The following PTK7 variants were observed in gnomAD, a reference collection of about 807,000 sequenced individuals.
PTK7 encodes inactive tyrosine-protein kinase 7.
A neutral mutation model predicts 116.6 loss-of-function variants in PTK7; 39 were observed. The ratio of observed to expected loss-of-function variants is 0.33; its 90% confidence interval spans 0.26 to 0.44. PTK7 has a LOEUF of 0.44. PTK7 is among the 20% of genes least tolerant of loss of function. PTK7 has a pLI of 1.00. For missense variants in PTK7, 1,169 were observed against 1,425.6 expected (o/e 0.82, Z 2.90); for synonymous variants, 546 against 563.6 (o/e 0.97, Z 0.44).
rs574449982 is a variant in PTK7, at chr6:43,128,381, T to C, written c.80-596T>C. 1.8e-3 allele frequency among the ~76,000 whole-genome samples: 269 copies of C among 152,340 alleles called. 6 individuals carry two copies. In the South Asian group the frequency reaches 0.053, roughly 30 times the overall value. Reference sequence around the variant, plus strand: ...CTACTGCCTGCCCACCCCATTCATTTGGCATTTATGTGACTGTAACTGTGT... The same window carrying C: ...CTACTGCCTGCCCACCCCATTCATTCGGCATTTATGTGACTGTAACTGTGT... On this transcript the variant is annotated intron_variant, in intron 1 of 19. Transcript: ENST00000230419.
intron 1 of PTK7, 48 bp from the exon 2 acceptor site, chr6:43,128,929 A>C: frequency 6.4e-7 from 1 of 1,553,926 alleles, no homozygotes; most frequent in Non-Finnish European, 8.7e-7. Context: ...GTTAGGACAG[A>C]GGCTGCAGCT....
Position 43,129,941 on chromosome 6 carries a change from C to T in PTK7, c.470+112C>T, listed in dbSNP as rs1463144256. On this transcript the variant is annotated intron_variant, in intron 3 of 19. Transcript: ENST00000230419. The surrounding 1 kb of genome is among the most constrained non-coding windows in gnomAD (Gnocchi z 4.5). ...CGCTCCATTCTGTGACCACTCGTTC[C>T]ACCACCACAGTGCTCTTCACCCTGC... 9.2e-7 allele frequency: 1 copy of T among 1,089,552 alleles called. No homozygotes were observed. Among genetic ancestry groups the T allele is most frequent in the South Asian group, 1.4e-5 (1 of 69,218 alleles). The allele number at this position is 1,089,552 out of a possible 1,614,324, so 67.5% of individuals were successfully genotyped here. A position where few individuals can be genotyped will look rare whatever the true frequency, so the allele number is the denominator to read the frequency against.
At chr6:43,112,097 A>T (rs981059205) in intron 1 of PTK7, among the ~76,000 whole-genome samples, 1 of 152,110 alleles carries the variant, frequency 6.6e-6, no homozygotes, top group Non-Finnish European at 1.5e-5. Context: ...GTCTGACTCC[A>T]GTCTCTGAAC....
chr6:43,151,819 G>GAGCCACCGCGCCC (rs1396743851), intron 17 of PTK7, among the ~76,000 whole-genome samples: 1 of 142,950 alleles, frequency 7.0e-6, no homozygotes, highest in Non-Finnish European at 1.5e-5. Context: ...TTACAGGCGT[G>GAGCCACCGCGCCC]AGCCACCGCG....
intron 17 of PTK7, among the ~76,000 whole-genome samples, chr6:43,152,731 TTATTTATGTTATG>T (rs1231729214): frequency 6.7e-6 from 1 of 149,310 alleles, no homozygotes; most frequent in Non-Finnish European, 1.5e-5. Flanking sequence ...GAATTTTATT[TTATTTATGTTATG>T]TTATGTTATG....
chr6:43,095,842 C>G (rs1767222125), intron 1 of PTK7, among the ~76,000 whole-genome samples: 1 of 152,084 alleles, frequency 6.6e-6, no homozygotes, highest in African/African-American at 2.4e-5. Context: ...CAATGAGAAA[C>G]TTTTTTCTGT....
At position 43,145,135 on chromosome 6, in the gene PTK7, C is replaced by T. The variant is rs973935694; in HGVS notation, c.2408-65C>T. 5.2e-5 allele frequency: 76 copies of T among 1,459,860 alleles called. No homozygotes were observed. The highest frequency in any genetic ancestry group is 6.9e-5 in the Non-Finnish European group (74 of 1,077,518). 90.4% of individuals were successfully genotyped at this position (1,459,860 alleles called of 1,614,324 possible). On this transcript the variant is annotated intron_variant, in intron 15 of 19. Coordinates refer to ENST00000230419, the MANE Select transcript of PTK7 (RefSeq NM_002821.5). The surrounding 1 kb of genome is among the most constrained non-coding windows in gnomAD (Gnocchi z 4.8). Reference sequence around the variant, plus strand: ...CCACTGTGGGAGAGGCTAGGCCCCTCCCCCAGGTCAGGAGCTGCCTCGGCC... The same window carrying T: ...CCACTGTGGGAGAGGCTAGGCCCCTTCCCCAGGTCAGGAGCTGCCTCGGCC...
chr6:43,078,845 C>G (rs554924988), intron 1 of PTK7, among the ~76,000 whole-genome samples: 10 of 152,344 alleles, frequency 6.6e-5, no homozygotes, highest in Non-Finnish European at 1.2e-4. Context: ...TCCCATCCCC[C>G]TCCCTGGTTT....
chr6:43,143,403 T>C lies in PTK7; in HGVS notation c.2048-14T>C, dbSNP rs1484540868. ...TTAGCAGCCCCTGCCCAGACCCATC[T>C]GTGTGTCTCTCAGACAAGCCTGTGC... On this transcript the variant is annotated splice_polypyrimidine_tract_variant and intron_variant, in intron 13 of 19. Transcript: ENST00000230419. This position sits in a 1 kb window ranked among gnomAD's most constrained non-coding sequence, Gnocchi z 4.2. 2 of 1,612,584 alleles carry C rather than the reference T, an allele frequency of 1.2e-6. No individual in the cohort carries two copies. The highest frequency in any genetic ancestry group is 1.7e-6 in the Non-Finnish European group (2 of 1,179,466).
chr6:43,114,700 T>C (rs1324114426), intron 1 of PTK7, among the ~76,000 whole-genome samples: 1 of 152,142 alleles, frequency 6.6e-6, no homozygotes, highest in Admixed American at 6.6e-5. Context: ...CCGCGTGTGC[T>C]TTATGCTTTA....
At position 43,146,642 on chromosome 6, in the gene PTK7, A is replaced by G. The variant is rs1235209942; in HGVS notation, c.2665A>G (p.Ile889Val). Residue 889 changes from isoleucine (I) to valine (V), a missense_variant, in exon 17 of 20, where the codon ATT (isoleucine) becomes GTT (valine). Ile to Val is a conservative substitution (Grantham distance 29, BLOSUM62 3). Transcript: ENST00000230419. ...DLGDLKQFLR[I>V]SKSKDEKLKS... ...GGGAGACCTCAAGCAGTTCCTGAGGATTTCCAAGAGCAAGGATGAAAAATT... is the reference window on the plus strand; with the variant it reads ...GGGAGACCTCAAGCAGTTCCTGAGGGTTTCCAAGAGCAAGGATGAAAAATT... 2 of 1,613,644 alleles carry G rather than the reference A, an allele frequency of 1.2e-6. No homozygotes were observed. Among genetic ancestry groups the G allele is most frequent in the Admixed American group, 1.7e-5 (1 of 59,998 alleles).
intron 17 of PTK7, among the ~76,000 whole-genome samples, chr6:43,147,746 T>C (rs1484768632): frequency 1.3e-5 from 2 of 152,196 alleles, no homozygotes; most frequent in Admixed American, 6.5e-5. Context: ...GTGAATTTAC[T>C]AAGACCCAGA....
intron 1 of PTK7, among the ~76,000 whole-genome samples, chr6:43,097,875 T>A (rs1230612644): frequency 1.3e-5 from 2 of 152,190 alleles, no homozygotes; most frequent in African/African-American, 4.8e-5. Flanking sequence ...TTCTTTTTGT[T>A]GCCTACAACT....
intron 1 of PTK7, among the ~76,000 whole-genome samples, chr6:43,117,601 G>T (rs62417477): frequency 6.6e-6 from 1 of 152,136 alleles, no homozygotes; most frequent in Admixed American, 6.6e-5. Flanking sequence ...GGCTGATGGT[G>T]TTGAGAGTTC....
chr6:43,121,064 T>G (rs925555884), intron 1 of PTK7, among the ~76,000 whole-genome samples: 9 of 150,716 alleles, frequency 6.0e-5, no homozygotes, highest in East Asian at 1.9e-4. Flanking sequence ...CTGTTTTTTT[T>G]TTTTTTTTTT....
At chr6:43,155,545 G>A (rs1342925148) in intron 17 of PTK7, among the ~76,000 whole-genome samples, 1 of 151,454 alleles carries the variant, frequency 6.6e-6, no homozygotes, top group African/African-American at 2.4e-5. Context: ...TCGGGAGGTT[G>A]AGGCAGGAGA....
intron 10 of PTK7, among the ~76,000 whole-genome samples, chr6:43,140,699 G>A (rs1368535722): frequency 3.3e-5 from 5 of 152,044 alleles, no homozygotes; most frequent in African/African-American, 1.2e-4. Flanking sequence ...ACCAACCTGG[G>A]CAATACAGGG....
At chr6:43,152,508 C>T (rs1255244901) in intron 17 of PTK7, among the ~76,000 whole-genome samples, 3 of 152,220 alleles carry the variant, frequency 2.0e-5, no homozygotes, top group Admixed American at 1.3e-4. Context: ...GCCTGGGCGA[C>T]AGAGTGAGAC....
intron 1 of PTK7, among the ~76,000 whole-genome samples, chr6:43,085,602 T>C (rs578037177): frequency 3.3e-5 from 5 of 151,744 alleles, no homozygotes; most frequent in Non-Finnish European, 5.9e-5. Context: ...TGCCAAAGGC[T>C]CAACAAAGTC....
Sources: gnomAD v4.1 joint callset for allele counts (sites outside exome capture counted in the v4.1 genomes callset) on GRCh38, gnomAD v4.1.1 for gene constraint, Gnocchi (gnomAD v3.1) non-coding constraint, MANE v1.5 for transcripts, NCBI Gene and HGNC (gene_info 2026-07-23, HGNC 2026-07-21) for gene names.